The following SCIN variants were observed in gnomAD, a reference collection of about 807,000 sequenced individuals.
SCIN encodes adseverin.
A neutral mutation model predicts 91.8 loss-of-function variants in SCIN; 91 were observed. That is an observed-to-expected ratio of 0.99 (90% CI 0.84 to 1.18). SCIN has a LOEUF of 1.18. SCIN is among the 50% of genes most tolerant of loss of function. The pLI is 0.00. For synonymous variants in SCIN, 367 were observed against 312.6 expected, an observed-to-expected ratio of 1.17 and a Z score of -1.84; for missense variants, 1,087 against 863.9, an observed-to-expected ratio of 1.26 and a Z score of -3.24.
At chr7:12,590,220 A>C (rs886591403) in intron 3 of SCIN, among the ~76,000 whole-genome samples, 13 of 152,316 alleles carry the variant, frequency 8.5e-5, no homozygotes, top group African/African-American at 2.9e-4. Context: ...GCTTCTACCC[A>C]CCTAGAGAAG....
chr7:12,649,842 T>C (rs971352773), intron 14 of SCIN, among the ~76,000 whole-genome samples: 1 of 152,234 alleles, frequency 6.6e-6, no homozygotes, highest in Non-Finnish European at 1.5e-5. Context: ...TTCATTTAAC[T>C]AACAAGTGCA....
intron 7 of SCIN, chr7:12,626,243 A>T (rs1200489899): frequency 3.2e-6 from 1 of 317,124 alleles, no homozygotes; most frequent in Non-Finnish European, 5.7e-6. Context: ...TTCCTTTCCG[A>T]ATCTCTCAGC....
chr7:12,599,812 A>G (rs1782921295), intron 3 of SCIN, among the ~76,000 whole-genome samples: 1 of 152,020 alleles, frequency 6.6e-6, no homozygotes, highest in African/African-American at 2.4e-5. Context: ...CCATTTATGT[A>G]TCTTCTTCTC....
intron 3 of SCIN, among the ~76,000 whole-genome samples, chr7:12,582,909 C>T (rs368104352): frequency 6.6e-6 from 1 of 152,080 alleles, no homozygotes; most frequent in South Asian, 2.1e-4. Flanking sequence ...TACTCTAAAG[C>T]CCTTTATAAG....
chr7:12,600,094 T>C (rs1272235926), intron 3 of SCIN, among the ~76,000 whole-genome samples: 1 of 152,218 alleles, frequency 6.6e-6, no homozygotes, highest in Non-Finnish European at 1.5e-5. Context: ...CTTAAGCCAA[T>C]GTCTAGAAAG....
At chr7:12,618,812 A>G (rs1450903454) in intron 4 of SCIN, among the ~76,000 whole-genome samples, 1 of 152,138 alleles carries the variant, frequency 6.6e-6, no homozygotes, top group Admixed American at 6.6e-5. Context: ...GAATTTACAA[A>G]TTAAAATGTT....
chr7:12,616,250 C>G (rs1174819220), intron 4 of SCIN, among the ~76,000 whole-genome samples: 9 of 152,006 alleles, frequency 5.9e-5, no homozygotes, highest in African/African-American at 1.9e-4. Flanking sequence ...TTTATGGACC[C>G]AGCAGTTTTG....
chr7:12,613,900 C>G (rs1783246556), intron 4 of SCIN, among the ~76,000 whole-genome samples: 2 of 152,198 alleles, frequency 1.3e-5, no homozygotes, highest in South Asian at 2.1e-4. Context: ...AAGGTACCAA[C>G]ATGCTGCTAA....
At position 12,640,368 on chromosome 7, in the gene SCIN, G is replaced by A; in HGVS notation, c.1432G>A (p.Glu478Lys). 6.2e-7 allele frequency: 1 copy of A among 1,603,286 alleles called. No homozygotes were observed. The highest frequency in any genetic ancestry group is 1.3e-5 in the African/African-American group (1 of 74,200). Residue 478 changes from glutamate (E) to lysine (K), a missense_variant, in exon 11 of 16, where the codon GAG (glutamate) becomes AAG (lysine). Glu to Lys is a moderately conservative substitution (Grantham distance 56). Coordinates refer to ENST00000297029, the MANE Select transcript of SCIN (RefSeq NM_001112706.3). ...AVQIRVSQGK[E>K]PVHLLSLFKD... Reference sequence around the variant, plus strand: ...TCAGATCCGAGTCTCCCAAGGCAAAGAGCCTGTTCACCTACTGAGTTTGTT... The same window carrying A: ...TCAGATCCGAGTCTCCCAAGGCAAAAAGCCTGTTCACCTACTGAGTTTGTT...
intron 3 of SCIN, among the ~76,000 whole-genome samples, chr7:12,592,790 G>T (rs1782753948): frequency 6.6e-6 from 1 of 152,158 alleles, no homozygotes; most frequent in African/African-American, 2.4e-5. Context: ...CCACAACTGA[G>T]ACTTGAGAGG....
intron 13 of SCIN, among the ~76,000 whole-genome samples, chr7:12,648,404 CTCCTACAT>C (rs1157393251): frequency 1.3e-5 from 2 of 150,450 alleles, no homozygotes; most frequent in Non-Finnish European, 3.0e-5. Context: ...TCAAGCAATT[CTCCTACAT>C]CAGCCTCCCA....
At chr7:12,630,714 CA>C (rs562687703) in intron 9 of SCIN, among the ~76,000 whole-genome samples, 2 of 152,126 alleles carry the variant, frequency 1.3e-5, no homozygotes, top group African/African-American at 2.4e-5. Context: ...TATTTCTTTC[CA>C]AAAAGAGTGG....
At chr7:12,571,652 A>AT (rs1562590397) in intron 1 of SCIN, 2 of 447,370 alleles carry the variant, frequency 4.5e-6, no homozygotes, top group Non-Finnish European at 9.1e-6. Flanking sequence ...GATATTTTAT[A>AT]TACAAATAAA....
At chr7:12,574,702 C>T (rs554564740) in intron 1 of SCIN, among the ~76,000 whole-genome samples, 2 of 152,082 alleles carry the variant, frequency 1.3e-5, no homozygotes, top group Non-Finnish European at 2.9e-5. Flanking sequence ...TGATCTGTGT[C>T]TATCCTTCAA....
intron 3 of SCIN, among the ~76,000 whole-genome samples, chr7:12,588,028 G>C (rs1176050407): frequency 1.3e-5 from 2 of 152,146 alleles, no homozygotes; most frequent in Non-Finnish European, 2.9e-5. Flanking sequence ...TTGGCTTTCA[G>C]ACTTTTGTCT....
intron 4 of SCIN, 56 bp from the exon 5 acceptor site, chr7:12,622,745 C>G (rs1487222224): frequency 5.9e-6 from 7 of 1,188,156 alleles, no homozygotes; most frequent in Non-Finnish European, 7.5e-6. Flanking sequence ...TTTTCTAACT[C>G]TGCATCCTTC....
chr7:12,652,794 T>C lies in SCIN; in HGVS notation c.*79T>C, dbSNP rs1784109037. 2 of 1,542,838 alleles carry C rather than the reference T, an allele frequency of 1.3e-6. No individual in the cohort carries two copies. Among genetic ancestry groups the C allele is most frequent in the East Asian group, 4.8e-5 (2 of 41,474 alleles). On this transcript the variant is annotated 3_prime_UTR_variant, in exon 16 of 16. Coordinates refer to ENST00000297029, the MANE Select transcript of SCIN (RefSeq NM_001112706.3). Reference sequence around the variant, plus strand: ...TTTTGGGAGAGGAACGGGAAAAGCTTTTTGCTTATTTGTCTTTTGAAAATT... The same window carrying C: ...TTTTGGGAGAGGAACGGGAAAAGCTCTTTGCTTATTTGTCTTTTGAAAATT...
chr7:12,604,716 TC>T, intron 4 of SCIN, 53 bp downstream of exon 4: 1 of 1,396,806 alleles, frequency 7.2e-7, no homozygotes, highest in Non-Finnish European at 9.4e-7. Context: ...CTCGTATGTG[TC>T]TGTGTGGTGT....
chr7:12,617,968 G>A (rs1356518948), intron 4 of SCIN, among the ~76,000 whole-genome samples: 1 of 151,950 alleles, frequency 6.6e-6, no homozygotes, highest in Non-Finnish European at 1.5e-5. Context: ...TAACTTGTAA[G>A]GTAACTTTCC....
Sources: gnomAD v4.1 joint callset for allele counts (sites outside exome capture counted in the v4.1 genomes callset) on GRCh38, gnomAD v4.1.1 for gene constraint, MANE v1.5 for transcripts, NCBI Gene and HGNC (gene_info 2026-07-23, HGNC 2026-07-21) for gene names.